Variants in AFF3 observed in about 807,000 individuals in gnomAD.
AFF3 encodes AF4/FMR2 family member 3.
AFF3 carries 32 observed loss-of-function variants against 129.7 expected under a neutral mutation model. The observed-to-expected ratio is 0.25, with a 90% CI of 0.19 to 0.33. The LOEUF (loss-of-function observed/expected upper bound fraction) is 0.33, where lower values mean the gene tolerates loss of function less well. Among genes scored for constraint, AFF3 ranks in the 10% least tolerant of loss-of-function variants. The probability of loss-of-function intolerance (pLI) is 1.00; values close to 1 mark genes in which losing one functional copy is unlikely to be tolerated. For synonymous variants in AFF3, 644 were observed against 635.4 expected, an observed-to-expected ratio of 1.01 and a Z score of -0.20; for missense variants, 1,373 against 1,592.0, an observed-to-expected ratio of 0.86 and a Z score of 2.34.
intron 18 of AFF3, among the ~76,000 whole-genome samples, chr2:99,576,576 T>C (rs1403126045): frequency 2.0e-5 from 3 of 151,990 alleles, no homozygotes; most frequent in Non-Finnish European, 4.4e-5. Context: ...CATTTAGTTG[T>C]TGCTGTTTCT....
At chr2:99,747,386 G>A (rs1681259718) in intron 9 of AFF3, among the ~76,000 whole-genome samples, 1 of 151,984 alleles carries the variant, frequency 6.6e-6, no homozygotes, top group South Asian at 2.1e-4. Flanking sequence ...CTGGAGTGCA[G>A]TGGCACGATC....
At chr2:99,586,835 G>T (rs993930313) in intron 16 of AFF3, among the ~76,000 whole-genome samples, 2 of 152,078 alleles carry the variant, frequency 1.3e-5, no homozygotes, top group Non-Finnish European at 2.9e-5. Flanking sequence ...GGAGTTTAGC[G>T]GTTACCATTA....
intron 1 of AFF3, among the ~76,000 whole-genome samples, chr2:100,130,288 T>C (rs1573472203): frequency 6.6e-6 from 1 of 152,292 alleles, no homozygotes; most frequent in South Asian, 2.1e-4. Context: ...TGCCCGAGAA[T>C]GCTCTGCAGG....
At chr2:99,707,737 T>G (rs1283762667) in intron 11 of AFF3, 1 of 801,450 alleles carries the variant, frequency 1.2e-6, no homozygotes, top group Non-Finnish European at 1.5e-6. Flanking sequence ...ATCTTCAGGC[T>G]AAAGAGTCTG....
intron 7 of AFF3, among the ~76,000 whole-genome samples, chr2:99,968,079 T>C (rs1408884737): frequency 6.6e-6 from 1 of 152,146 alleles, no homozygotes; most frequent in Non-Finnish European, 1.5e-5. Flanking sequence ...CCTATACACA[T>C]CCATCTTTGC....
At chr2:100,088,375 T>C (rs1689613012) in intron 4 of AFF3, among the ~76,000 whole-genome samples, 1 of 152,200 alleles carries the variant, frequency 6.6e-6, no homozygotes, top group Admixed American at 6.5e-5. Context: ...ATATCAGTGA[T>C]CCATGTTACC....
At chr2:99,672,679 A>C in intron 11 of AFF3, 90 bp from the exon 12 acceptor site, 3 of 1,219,860 alleles carry the variant, frequency 2.5e-6, no homozygotes, top group Non-Finnish European at 3.6e-6. Flanking sequence ...TAATGTTGTT[A>C]TTAGAGCAAC....
At chr2:99,649,028 C>T (rs1262120936) in intron 13 of AFF3, among the ~76,000 whole-genome samples, 1 of 152,048 alleles carries the variant, frequency 6.6e-6, no homozygotes, top group Non-Finnish European at 1.5e-5. Context: ...TACATACCCA[C>T]ATTCAACTAT....
chr2:100,125,164 G>A (rs1004147993), intron 2 of AFF3, among the ~76,000 whole-genome samples: 2 of 152,294 alleles, frequency 1.3e-5, no homozygotes, highest in African/African-American at 4.8e-5. Context: ...TTGATAAAAT[G>A]AGAAATGGAG....
chr2:99,637,455 T>C (rs1314026809), intron 13 of AFF3, among the ~76,000 whole-genome samples: 1 of 152,180 alleles, frequency 6.6e-6, no homozygotes, highest in East Asian at 1.9e-4. Flanking sequence ...CTGTCACATA[T>C]ATCATTTGTT....
At chr2:99,635,385 C>T (rs1048658285) in intron 13 of AFF3, among the ~76,000 whole-genome samples, 1 of 152,064 alleles carries the variant, frequency 6.6e-6, no homozygotes, top group Non-Finnish European at 1.5e-5. Context: ...GTAACCTCTG[C>T]CTCCTGGGCT....
rs1313863576 is a variant in AFF3 at position 99,672,417 on chromosome 2, C to G, written c.1143+121G>C. 4 of 845,400 alleles carry G rather than the reference C, an allele frequency of 4.7e-6. No homozygotes were observed. The East Asian group carries it at 7.4e-5, about 16-fold the overall frequency. The allele number at this position is 845,400 out of a possible 1,614,324, so 52.4% of individuals were successfully genotyped here. ...CAACTGCATAGAAGCTCACACTTAG[C>G]AGACAAAAGACCAGCAGCCTGGAGT... On this transcript the variant is annotated intron_variant, in intron 12 of 24. Coordinates refer to ENST00000672756, the MANE Select transcript of AFF3 (RefSeq NM_001386135.1).
At chr2:99,973,329 G>A (rs1425161669) in intron 7 of AFF3, among the ~76,000 whole-genome samples, 3 of 152,150 alleles carry the variant, frequency 2.0e-5, no homozygotes, top group Non-Finnish European at 4.4e-5. Flanking sequence ...CATAAGGAGG[G>A]AAAACAGAGA....
intron 7 of AFF3, among the ~76,000 whole-genome samples, chr2:99,852,659 G>A (rs905707856): frequency 6.6e-6 from 1 of 152,120 alleles, no homozygotes; most frequent in Non-Finnish European, 1.5e-5. Context: ...TTCTACGGGG[G>A]AGCAGGCAAA....
chr2:99,922,088 T>C (rs1695895458), intron 7 of AFF3, among the ~76,000 whole-genome samples: 1 of 152,140 alleles, frequency 6.6e-6, no homozygotes, highest in Non-Finnish European at 1.5e-5. Context: ...GGAGTAACGA[T>C]ATGGAGTAAC....
chr2:99,786,908 TA>T (rs1684838157), intron 8 of AFF3, among the ~76,000 whole-genome samples: 1 of 152,164 alleles, frequency 6.6e-6, no homozygotes, highest in African/African-American at 2.4e-5. Context: ...ATGCTTCTCA[TA>T]CCATCTTAGC....
chr2:100,130,053 C>T (rs1692361771), intron 1 of AFF3, among the ~76,000 whole-genome samples: 1 of 152,176 alleles, frequency 6.6e-6, no homozygotes, highest in African/African-American at 2.4e-5. Context: ...CAAGTGCTGC[C>T]AGCGGGAATC....
At chr2:99,885,108 C>A (rs1693009167) in intron 7 of AFF3, among the ~76,000 whole-genome samples, 1 of 152,152 alleles carries the variant, frequency 6.6e-6, no homozygotes, top group Non-Finnish European at 1.5e-5. Context: ...AATCTATAGT[C>A]CTCAGAGCCA....
intron 7 of AFF3, among the ~76,000 whole-genome samples, chr2:99,903,361 A>G (rs919140777): frequency 2.6e-5 from 4 of 152,202 alleles, no homozygotes; most frequent in African/African-American, 9.6e-5. Flanking sequence ...GCAACAGTAA[A>G]CACTCTATCA....
Sources: gnomAD v4.1 joint callset for allele counts (sites outside exome capture counted in the v4.1 genomes callset) on GRCh38, gnomAD v4.1.1 for gene constraint, MANE v1.5 for transcripts, NCBI Gene and HGNC (gene_info 2026-07-23, HGNC 2026-07-21) for gene names.